Variants in IL1RAPL2 observed in about 807,000 individuals in gnomAD.
The protein encoded by IL1RAPL2 is interleukin 1 receptor accessory protein like 2.
Under a neutral mutation model 44.1 loss-of-function variants are expected in IL1RAPL2, and 3 were observed. The ratio of observed to expected loss-of-function variants is 0.07; its 90% CI spans 0.03 to 0.18. The LOEUF (loss-of-function observed/expected upper bound fraction) is 0.18, where lower values mean the gene tolerates loss of function less well. Among genes scored for constraint, IL1RAPL2 ranks in the 10% least tolerant of loss-of-function variants. The pLI is 1.00. For synonymous variants in IL1RAPL2, 181 were observed against 178.8 expected, an observed-to-expected ratio of 1.01 and a Z score of -0.10; for missense variants, 391 against 496.4, an observed-to-expected ratio of 0.79 and a Z score of 2.02.
intron 2 of IL1RAPL2, among the ~76,000 whole-genome samples, chrX:104,744,763 C>A (rs1932146809): frequency 9.0e-6 from 1 of 110,732 alleles, no homozygotes; most frequent in Admixed American, 9.6e-5. Flanking sequence ...ATTTCTTTAT[C>A]TAGATTTTAT....
chrX:104,867,849 T>C, intron 2 of IL1RAPL2, among the ~76,000 whole-genome samples: 1 of 112,266 alleles, frequency 8.9e-6, no homozygotes, highest in Non-Finnish European at 1.9e-5. Context: ...GTGAGTGCAG[T>C]GACCTGTGGA....
intron 5 of IL1RAPL2, among the ~76,000 whole-genome samples, chrX:105,337,845 C>A (rs780138775): frequency 9.1e-6 from 1 of 109,936 alleles, no homozygotes; most frequent in Non-Finnish European, 1.9e-5. Flanking sequence ...GAGCCGAGAT[C>A]GCGCCACTGC....
At chrX:105,033,426 C>G (rs2031553175) in intron 2 of IL1RAPL2, among the ~76,000 whole-genome samples, 1 of 111,245 alleles carries the variant, frequency 9.0e-6, no homozygotes, top group Admixed American at 9.6e-5. Context: ...CTGGTGGTGA[C>G]AAAATCTCTC....
intron 2 of IL1RAPL2, among the ~76,000 whole-genome samples, chrX:104,946,433 A>ACTTTAAGT (rs1415309913): frequency 3.3e-5 from 3 of 91,557 alleles, no homozygotes; most frequent in African/African-American, 1.2e-4. Context: ...TTATTATTAT[A>ACTTTAAGT]CTTTAAGTTT....
intron 2 of IL1RAPL2, among the ~76,000 whole-genome samples, chrX:105,001,304 AT>A (rs746826590): frequency 9.0e-6 from 1 of 111,085 alleles, no homozygotes; most frequent in Non-Finnish European, 1.9e-5. Context: ...CTCTGCTATG[AT>A]TTGCACAGAA....
intron 2 of IL1RAPL2, among the ~76,000 whole-genome samples, chrX:105,062,219 C>T (rs1362501273): frequency 9.0e-6 from 1 of 111,121 alleles, no homozygotes; most frequent in African/African-American, 3.3e-5. Context: ...TTTGAGGCTA[C>T]CATAAGACTT....
intron 5 of IL1RAPL2, among the ~76,000 whole-genome samples, chrX:105,286,814 A>G (rs2034575834): frequency 8.9e-6 from 1 of 111,822 alleles, no homozygotes. Flanking sequence ...TTGTATTCCT[A>G]TCACTTTAGT....
chrX:105,374,741 G>C (rs904576635), intron 5 of IL1RAPL2, among the ~76,000 whole-genome samples: 2 of 109,839 alleles, frequency 1.8e-5, no homozygotes, highest in Admixed American at 9.8e-5. Flanking sequence ...GAGGTCAGGA[G>C]ATCGAGACCA....
chrX:105,502,283 A>C (rs755026096), intron 6 of IL1RAPL2, among the ~76,000 whole-genome samples: 1 of 111,823 alleles, frequency 8.9e-6, no homozygotes, highest in Non-Finnish European at 1.9e-5. Flanking sequence ...AGGATCCCCC[A>C]GCCTCTTATA....
At chrX:105,712,661 C>T (rs1304166575) in intron 6 of IL1RAPL2, among the ~76,000 whole-genome samples, 3 of 110,991 alleles carry the variant, frequency 2.7e-5, no homozygotes, top group Non-Finnish European at 5.7e-5. Flanking sequence ...AAACTGCCCC[C>T]ATGATACAAT....
chrX:105,326,936 T>C (rs2034943556), intron 5 of IL1RAPL2, among the ~76,000 whole-genome samples: 1 of 111,641 alleles, frequency 9.0e-6, no homozygotes, highest in Non-Finnish European at 1.9e-5. Context: ...GGCGAATGTC[T>C]GTGTGAGAAA....
chrX:105,251,964 T>G (rs985251377), intron 4 of IL1RAPL2, among the ~76,000 whole-genome samples: 2 of 110,961 alleles, frequency 1.8e-5, no homozygotes, highest in African/African-American at 6.5e-5. Context: ...AATTTACAAA[T>G]AGCAAAATTC....
rs1030143428 is a variant in IL1RAPL2 at position 105,195,569 on chromosome X, T to C, written c.177T>C (p.Tyr59=). 4.1e-6 allele frequency: 5 copies of C among 1,210,313 alleles called. No individual in the cohort carries two copies. The highest frequency in any genetic ancestry group is 4.5e-6 in the Non-Finnish European group (4 of 894,966). ...VRVKCALFYS[Y]IRTNYSTAQS... is the part of the protein sequence containing the mutation. ...TGAAATGTGCCCTTTTCTACAGTTA[T>C]ATTCGTACCAACTATAGCACGGCCC... The change falls in exon 3 of 11, where the codon TAT becomes TAC. Residue 59 remains tyrosine, a synonymous_variant. Coordinates refer to ENST00000372582, the MANE Select transcript of IL1RAPL2 (RefSeq NM_017416.2).
intron 2 of IL1RAPL2, among the ~76,000 whole-genome samples, chrX:105,033,106 G>C (rs187563885): frequency 4.1e-4 from 45 of 110,830 alleles, no homozygotes; most frequent in South Asian, 2.3e-3. Flanking sequence ...TTATTTTGTG[G>C]CTATGTGTGT....
At chrX:104,678,154 A>G (rs773622974) in intron 2 of IL1RAPL2, among the ~76,000 whole-genome samples, 1 of 112,726 alleles carries the variant, frequency 8.9e-6, no homozygotes, top group Non-Finnish European at 1.9e-5. Context: ...AAGAGAAAAT[A>G]TCATCTATAC....
At chrX:104,710,461 G>A (rs1442205716) in intron 2 of IL1RAPL2, among the ~76,000 whole-genome samples, 1 of 110,953 alleles carries the variant, frequency 9.0e-6, no homozygotes, top group Non-Finnish European at 1.9e-5. Flanking sequence ...AGTTTCAAGG[G>A]CTAAGGTGAG....
intron 5 of IL1RAPL2, among the ~76,000 whole-genome samples, chrX:105,337,044 A>G (rs1356176103): frequency 9.0e-6 from 1 of 111,464 alleles, no homozygotes; most frequent in Admixed American, 9.6e-5. Context: ...TGCAGGCCAT[A>G]TGTGTTTCTT....
At chrX:105,673,064 T>A (rs2037838054) in intron 6 of IL1RAPL2, among the ~76,000 whole-genome samples, 1 of 111,511 alleles carries the variant, frequency 9.0e-6, no homozygotes, top group Admixed American at 9.6e-5. Flanking sequence ...TCATCTTATG[T>A]TTGCTTTACA....
In IL1RAPL2 at chrX:104,781,069, A is replaced by T. The variant is rs767156392; in HGVS notation, c.82+122074A>T. Among the ~76,000 whole-genome samples, 1,002 of 104,478 alleles carry T rather than the reference A, an allele frequency of 9.6e-3. 8 individuals carry two copies. The highest frequency in any genetic ancestry group is 0.032 in the African/African-American group (922 of 28,946). 90.7% of individuals were successfully genotyped at this position (104,478 alleles called of 115,157 possible). A position where few individuals can be genotyped will look rare whatever the true frequency, so the allele number is the denominator to read the frequency against. ...AAAGCTTTCTACTTTACTTAGTTTTATTTTTTTTTTTGTTAGTCAGAGAGA... is the reference window on the plus strand; with the variant it reads ...AAAGCTTTCTACTTTACTTAGTTTTTTTTTTTTTTTTGTTAGTCAGAGAGA... On this transcript the variant is annotated intron_variant, in intron 2 of 10. Coordinates refer to ENST00000372582, the MANE Select transcript of IL1RAPL2 (RefSeq NM_017416.2).
Sources: allele counts gnomAD v4.1 joint callset (sites outside exome capture counted in the v4.1 genomes callset), GRCh38; gene constraint gnomAD v4.1.1; transcripts MANE v1.5; gene names NCBI Gene and HGNC (gene_info 2026-07-23, HGNC 2026-07-21).